The following MACROD2 variants were observed in gnomAD, a reference collection of about 807,000 sequenced individuals.
MACROD2 encodes mono-ADP ribosylhydrolase 2, also known as ADP-ribose glycohydrolase MACROD2.
Under a neutral mutation model 70.4 loss-of-function variants are expected in MACROD2, and 36 were observed. That is an observed-to-expected ratio of 0.51 (90% CI 0.39 to 0.68). The LOEUF is 0.68. Ranked by LOEUF, MACROD2 falls within the 30% of genes least tolerant of loss-of-function variation. The pLI is 0.00. For synonymous variants in MACROD2, 172 were observed against 178.8 expected, an observed-to-expected ratio of 0.96 and a Z score of 0.30; for missense variants, 496 against 538.4, an observed-to-expected ratio of 0.92 and a Z score of 0.78.
At chr20:15,354,789 A>C (rs529053921) in intron 6 of MACROD2, among the ~76,000 whole-genome samples, 1 of 152,332 alleles carries the variant, frequency 6.6e-6, no homozygotes, top group South Asian at 2.1e-4. Flanking sequence ...GAGAATTATT[A>C]AGATTATGTA....
chr20:15,538,311 A>G (rs1245606477), intron 8 of MACROD2, among the ~76,000 whole-genome samples: 1 of 152,170 alleles, frequency 6.6e-6, no homozygotes. Flanking sequence ...AAGGGGATAG[A>G]TTTTAAAGGG....
At chr20:15,822,239 C>A (rs1381477844) in intron 8 of MACROD2, among the ~76,000 whole-genome samples, 2 of 152,098 alleles carry the variant, frequency 1.3e-5, no homozygotes. Context: ...GGGATCTATT[C>A]TTGTACCTTT....
chr20:14,853,383 G>T (rs535238653), intron 5 of MACROD2, among the ~76,000 whole-genome samples: 33 of 151,966 alleles, frequency 2.2e-4, no homozygotes, highest in African/African-American at 7.2e-4. Context: ...TGCTTCCTGG[G>T]TTTTTTCTGG....
chr20:14,276,724 A>G (rs75492950), intron 3 of MACROD2, among the ~76,000 whole-genome samples: 3,141 of 152,202 alleles, frequency 0.021, 99 homozygotes, highest in African/African-American at 0.073. Context: ...TAGTACTGAG[A>G]CCCTAACATA....
chr20:15,390,198 C>T (rs902262650), intron 6 of MACROD2, among the ~76,000 whole-genome samples: 8 of 152,244 alleles, frequency 5.3e-5, no homozygotes, highest in Middle Eastern at 3.4e-3. Context: ...CCCTGTCACT[C>T]GTCCTAGGAG....
chr20:15,260,595 A>T (rs2077240730), intron 6 of MACROD2, among the ~76,000 whole-genome samples: 1 of 151,878 alleles, frequency 6.6e-6, no homozygotes, highest in Non-Finnish European at 1.5e-5. Flanking sequence ...TATCTCTCTG[A>T]TACACTGGTA....
intron 8 of MACROD2, among the ~76,000 whole-genome samples, chr20:15,595,583 G>T (rs1319179882): frequency 6.6e-6 from 1 of 152,142 alleles, no homozygotes; most frequent in Non-Finnish European, 1.5e-5. Context: ...GGAAAATGCA[G>T]CTATCAAGAA....
chr20:14,111,799 G>A (rs2054454482), intron 3 of MACROD2, among the ~76,000 whole-genome samples: 1 of 151,918 alleles, frequency 6.6e-6, no homozygotes, highest in South Asian at 2.1e-4. Flanking sequence ...AGAACAGTTT[G>A]GTTCCTCAAA....
At chr20:15,383,100 A>G (rs76601041) in intron 6 of MACROD2, among the ~76,000 whole-genome samples, 8,977 of 152,286 alleles carry the variant, frequency 0.059, 352 homozygotes, top group Admixed American at 0.098. Flanking sequence ...CTTAGTTTCA[A>G]TGAGATGAAG....
intron 3 of MACROD2, among the ~76,000 whole-genome samples, chr20:14,306,289 C>T (rs1292891227): frequency 6.6e-6 from 1 of 152,016 alleles, no homozygotes; most frequent in Non-Finnish European, 1.5e-5. Flanking sequence ...CTCTAAGGTA[C>T]AATCCTTGGT....
chr20:14,135,276 A>G (rs531573657), intron 3 of MACROD2, among the ~76,000 whole-genome samples: 231 of 152,312 alleles, frequency 1.5e-3, no homozygotes, highest in African/African-American at 5.0e-3. Context: ...AGTATATGAA[A>G]TACAGAAATA....
chr20:15,813,126 C>A (rs1002335765), intron 8 of MACROD2, among the ~76,000 whole-genome samples: 11 of 152,080 alleles, frequency 7.2e-5, no homozygotes, highest in Non-Finnish European at 1.5e-4. Context: ...TAATCATTAG[C>A]ATGCACCAAC....
intron 5 of MACROD2, among the ~76,000 whole-genome samples, chr20:14,828,889 C>T (rs546339200): frequency 6.6e-6 from 1 of 151,594 alleles, no homozygotes; most frequent in South Asian, 2.1e-4. Context: ...TTCTCTTTTC[C>T]ACTTCTCTTC....
chr20:15,805,719 G>A (rs754477392), intron 8 of MACROD2, among the ~76,000 whole-genome samples: 5 of 152,074 alleles, frequency 3.3e-5, no homozygotes, highest in Non-Finnish European at 5.9e-5. Flanking sequence ...CAGGTGATCT[G>A]CCCACCTCGG....
chr20:15,570,100 T>C (rs959522755), intron 8 of MACROD2, among the ~76,000 whole-genome samples: 11 of 152,206 alleles, frequency 7.2e-5, no homozygotes, highest in Non-Finnish European at 1.3e-4. Flanking sequence ...TTGTATAATA[T>C]ATGAAACAAT....
At chr20:14,455,866 T>C (rs540574344) in intron 3 of MACROD2, among the ~76,000 whole-genome samples, 4 of 151,948 alleles carry the variant, frequency 2.6e-5, no homozygotes, top group African/African-American at 9.7e-5. Flanking sequence ...TTTTTAACTG[T>C]ACATATTTTA....
chr20:14,051,268 A>G (rs182644079), intron 2 of MACROD2, among the ~76,000 whole-genome samples: 1 of 152,330 alleles, frequency 6.6e-6, no homozygotes, highest in African/African-American at 2.4e-5. Flanking sequence ...TTAAAAAATG[A>G]AAGAACTACA....
chr20:15,911,427 T>C (rs2065236213), intron 10 of MACROD2, among the ~76,000 whole-genome samples: 1 of 152,242 alleles, frequency 6.6e-6, no homozygotes, highest in Non-Finnish European at 1.5e-5. Flanking sequence ...ACAATGTTGC[T>C]GTAAATTCGT....
intron 5 of MACROD2, among the ~76,000 whole-genome samples, chr20:15,203,514 T>C (rs960886116): frequency 6.6e-6 from 1 of 152,146 alleles, no homozygotes; most frequent in Admixed American, 6.5e-5. Flanking sequence ...GTTATTAAAT[T>C]GACTGCATTG....
Sources: allele counts gnomAD v4.1 joint callset (sites outside exome capture counted in the v4.1 genomes callset), GRCh38; gene constraint gnomAD v4.1.1; transcripts MANE v1.5; gene names NCBI Gene and HGNC (gene_info 2026-07-23, HGNC 2026-07-21).